Variants in NECAB1 observed in about 807,000 individuals in gnomAD.
The protein encoded by NECAB1 is N-terminal EF-hand calcium binding protein 1, also known as N-terminal EF-hand calcium-binding protein 1.
NECAB1 carries 29 observed loss-of-function variants against 57.5 expected under a neutral mutation model. That is an observed-to-expected ratio of 0.50 (90% CI 0.38 to 0.69). The LOEUF is 0.69. NECAB1 is among the 30% of genes least tolerant of loss of function. NECAB1 has a pLI of 0.00. For synonymous variants in NECAB1, 142 were observed against 147.7 expected, an observed-to-expected ratio of 0.96 and a Z score of 0.28; for missense variants, 372 against 413.8, an observed-to-expected ratio of 0.90 and a Z score of 0.88.
At chr8:90,906,883 A>ATATATATATATG (rs1809672621) in intron 5 of NECAB1, among the ~76,000 whole-genome samples, 1 of 80,758 alleles carries the variant, frequency 1.2e-5, no homozygotes, top group African/African-American at 4.8e-5. Context: ...ACACATATAT[A>ATATATATATATG]TATATATATA....
chr8:90,925,726 A>G lies in NECAB1; in HGVS notation c.616+70A>G, dbSNP rs1042775909. The G allele has an allele frequency of 5.7e-6, 9 of 1,573,120 alleles. No individual in the cohort carries two copies. In the African/African-American group the frequency reaches 1.1e-4, roughly 19 times the overall value. On this transcript the variant is annotated intron_variant, in intron 7 of 12. Coordinates refer to ENST00000417640, the MANE Select transcript of NECAB1 (RefSeq NM_022351.5). ...CTTGCGTTTTCCAATTGATTATTTT[A>G]ACAAACAACAGATAAGACAATAGTA... is the stretch of plus-strand genomic sequence containing the variant.
chr8:90,830,210 CA>C (rs1278797465), intron 3 of NECAB1, among the ~76,000 whole-genome samples: 2 of 152,066 alleles, frequency 1.3e-5, no homozygotes, highest in African/African-American at 4.8e-5. Flanking sequence ...ATTGCAACTA[CA>C]AAGCTTATTG....
At chr8:90,931,830 G>A (rs1238027964) in intron 8 of NECAB1, among the ~76,000 whole-genome samples, 11 of 152,128 alleles carry the variant, frequency 7.2e-5, no homozygotes, top group Admixed American at 3.3e-4. Flanking sequence ...CTTGAACCCC[G>A]GAGGGAGAGG....
chr8:90,816,041 A>G (rs1346174913), intron 2 of NECAB1, among the ~76,000 whole-genome samples: 1 of 151,922 alleles, frequency 6.6e-6, no homozygotes, highest in Non-Finnish European at 1.5e-5. Context: ...TTTCTAGCCA[A>G]AAATTGGTAT....
At chr8:90,822,079 A>C (rs930787544) in intron 2 of NECAB1, among the ~76,000 whole-genome samples, 2 of 151,832 alleles carry the variant, frequency 1.3e-5, no homozygotes, top group East Asian at 3.9e-4. Flanking sequence ...AAAGCTGAAA[A>C]ACCTGTACCC....
At chr8:90,935,214 C>T (rs769744894) in intron 9 of NECAB1, among the ~76,000 whole-genome samples, 44 of 152,168 alleles carry the variant, frequency 2.9e-4, no homozygotes, top group Non-Finnish European at 6.2e-4. Flanking sequence ...GCACTGACTA[C>T]ATGATAGATG....
chr8:90,933,154 T>C (rs1689471303), intron 8 of NECAB1, among the ~76,000 whole-genome samples: 2 of 152,200 alleles, frequency 1.3e-5, no homozygotes, highest in Non-Finnish European at 2.9e-5. Context: ...ACAACCACTA[T>C]GGAAAATAGT....
intron 5 of NECAB1, among the ~76,000 whole-genome samples, chr8:90,910,325 T>C (rs1809798508): frequency 1.3e-5 from 2 of 152,170 alleles, no homozygotes; most frequent in East Asian, 3.8e-4. Context: ...TTGTGCTTCT[T>C]ATTTTTCTTT....
intron 5 of NECAB1, among the ~76,000 whole-genome samples, chr8:90,915,970 T>G (rs1156848847): frequency 6.6e-6 from 1 of 152,242 alleles, no homozygotes; most frequent in Non-Finnish European, 1.5e-5. Context: ...CTGGCAGCTG[T>G]AGTAGTTGGT....
chr8:90,901,215 T>C (rs1226906531), intron 5 of NECAB1, among the ~76,000 whole-genome samples: 1 of 149,658 alleles, frequency 6.7e-6, no homozygotes, highest in African/African-American at 2.5e-5. Flanking sequence ...CTGAGGCTGA[T>C]ATGATTTAAG....
chr8:90,952,425 A>C (rs1280873710), intron 12 of NECAB1, among the ~76,000 whole-genome samples: 2 of 152,084 alleles, frequency 1.3e-5, no homozygotes, highest in Non-Finnish European at 2.9e-5. Flanking sequence ...CAAAAGAGTA[A>C]AATGCAAAGA....
At chr8:90,793,795 T>C (rs1811615685) in intron 1 of NECAB1, among the ~76,000 whole-genome samples, 1 of 152,202 alleles carries the variant, frequency 6.6e-6, no homozygotes, top group Admixed American at 6.5e-5. Context: ...CCGGTGATAG[T>C]GTGGAGATGA....
chr8:90,845,828 G>A lies in NECAB1; in HGVS notation c.233+21003G>A, dbSNP rs10094551. 6.4e-3 allele frequency among the ~76,000 whole-genome samples: 978 copies of A among 152,304 alleles called. 6 individuals are homozygous for A. Among genetic ancestry groups the A allele is most frequent in the African/African-American group, 0.022 (908 of 41,562 alleles). ...AATTATAGAAAAAATTTTCCAAAGTGAGGAATGGTTTTTGCTTTAAACAGC... is the reference window on the plus strand; with the variant it reads ...AATTATAGAAAAAATTTTCCAAAGTAAGGAATGGTTTTTGCTTTAAACAGC... On this transcript the variant is annotated intron_variant, in intron 3 of 12. Coordinates refer to ENST00000417640, the MANE Select transcript of NECAB1 (RefSeq NM_022351.5).
chr8:90,939,414 G>A lies in NECAB1; in HGVS notation c.748-1372G>A, dbSNP rs183292044. Among the ~76,000 whole-genome samples, 261 of 152,362 alleles carry A rather than the reference G, an allele frequency of 1.7e-3. 1 individual carries two copies. The highest frequency in any genetic ancestry group is 6.1e-3 in the African/African-American group (254 of 41,580). On this transcript the variant is annotated intron_variant, in intron 9 of 12. Transcript: ENST00000417640. The stretch of plus-strand genomic sequence containing the variant: ...GAAAATAGAATCCATGTCTTGAGGA[G>A]AGGAGCTAAAAAGTCAAATTAGTCA...
chr8:90,872,053 A>C (rs1010236418), intron 3 of NECAB1, 75 bp from the exon 4 acceptor site: 2 of 1,141,896 alleles, frequency 1.8e-6, no homozygotes, highest in African/African-American at 3.1e-5. Flanking sequence ...GACTAACTGT[A>C]TTTAACTATT....
chr8:90,874,928 T>C (rs1411895454), intron 4 of NECAB1, among the ~76,000 whole-genome samples: 1 of 147,404 alleles, frequency 6.8e-6, no homozygotes, highest in Admixed American at 6.9e-5. Flanking sequence ...CATACAATTG[T>C]GAAGGCCTTC....
At chr8:90,898,216 G>A (rs1206566119) in intron 5 of NECAB1, among the ~76,000 whole-genome samples, 1 of 152,158 alleles carries the variant, frequency 6.6e-6, no homozygotes, top group Non-Finnish European at 1.5e-5. Flanking sequence ...CTGCTCCCAT[G>A]AGAATAAGTT....
At chr8:90,854,876 T>C (rs1221989380) in intron 3 of NECAB1, among the ~76,000 whole-genome samples, 2 of 152,202 alleles carry the variant, frequency 1.3e-5, no homozygotes, top group African/African-American at 4.8e-5. Flanking sequence ...AAATACTCCT[T>C]GGGGACACCC....
At chr8:90,873,290 G>T (rs894731813) in intron 4 of NECAB1, among the ~76,000 whole-genome samples, 2 of 152,164 alleles carry the variant, frequency 1.3e-5, no homozygotes, top group Non-Finnish European at 2.9e-5. Flanking sequence ...ACCAAAGCAG[G>T]ACATGCTTTT....
Sources: gnomAD v4.1 joint callset for allele counts (sites outside exome capture counted in the v4.1 genomes callset) on GRCh38, gnomAD v4.1.1 for gene constraint, MANE v1.5 for transcripts, NCBI Gene and HGNC (gene_info 2026-07-23, HGNC 2026-07-21) for gene names.